The following PDE4B variants were observed in gnomAD, a reference collection of about 807,000 sequenced individuals.
PDE4B encodes phosphodiesterase 4B.
In PDE4B, 20 loss-of-function variants were observed where a neutral mutation model predicts 82.2. The observed-to-expected ratio is 0.24, with a 90% CI of 0.17 to 0.35. The LOEUF (loss-of-function observed/expected upper bound fraction) is 0.35. Among genes scored for constraint, PDE4B ranks in the 10% least tolerant of loss-of-function variants. The probability of loss-of-function intolerance (pLI) is 1.00; values close to 1 mark genes in which losing one functional copy is unlikely to be tolerated. For missense variants in PDE4B, 655 were observed against 907.2 expected (o/e 0.72, Z 3.57); for synonymous variants, 320 against 318.9 (o/e 1.00, Z -0.04).
At chr1:66,107,240 G>A (rs893580025) in intron 3 of PDE4B, among the ~76,000 whole-genome samples, 6 of 152,018 alleles carry the variant, frequency 3.9e-5, no homozygotes, top group African/African-American at 1.2e-4. Context: ...CCATGTAGTT[G>A]AGCGGTTTTG....
intron 3 of PDE4B, among the ~76,000 whole-genome samples, chr1:66,194,514 A>T (rs1365412246): frequency 1.3e-5 from 2 of 152,160 alleles, no homozygotes; most frequent in African/African-American, 4.8e-5. Flanking sequence ...ATGGACTAAA[A>T]ATGAATAAAT....
At chr1:65,887,750 TG>T (rs1322589087) in intron 1 of PDE4B, among the ~76,000 whole-genome samples, 1 of 152,038 alleles carries the variant, frequency 6.6e-6, no homozygotes, top group African/African-American at 2.4e-5. Context: ...ATTTGCCATT[TG>T]TCTGTCTTCT....
chr1:65,912,951 G>A (rs1647113315), intron 1 of PDE4B, among the ~76,000 whole-genome samples: 1 of 152,118 alleles, frequency 6.6e-6, no homozygotes, highest in South Asian at 2.1e-4. Context: ...AAACATTTGT[G>A]TAAAATGCAT....
chr1:65,970,962 G>T (rs2100624697), intron 3 of PDE4B, among the ~76,000 whole-genome samples: 1 of 151,486 alleles, frequency 6.6e-6, no homozygotes, highest in East Asian at 1.9e-4. Flanking sequence ...AATAAGAAAG[G>T]ATAGGCTAAA....
intron 3 of PDE4B, among the ~76,000 whole-genome samples, chr1:66,085,803 G>A (rs989575149): frequency 9.9e-5 from 15 of 152,036 alleles, no homozygotes; most frequent in Admixed American, 5.9e-4. Flanking sequence ...GTCTTGACAG[G>A]TTATGGGGAA....
chr1:66,041,152 A>G (rs1422130029), intron 3 of PDE4B, among the ~76,000 whole-genome samples: 1 of 151,974 alleles, frequency 6.6e-6, no homozygotes, highest in Non-Finnish European at 1.5e-5. Context: ...TTTATTGGGC[A>G]AACATGCTAA....
intron 3 of PDE4B, among the ~76,000 whole-genome samples, chr1:66,117,724 G>A (rs1162434111): frequency 1.3e-5 from 2 of 152,150 alleles, no homozygotes; most frequent in Non-Finnish European, 2.9e-5. Context: ...TTAGAGCTGA[G>A]TGGAATTTAT....
chr1:66,234,555 C>G (rs1027215545), intron 3 of PDE4B, among the ~76,000 whole-genome samples: 1 of 152,190 alleles, frequency 6.6e-6, no homozygotes, highest in Non-Finnish European at 1.5e-5. Context: ...TTCCAAAGTG[C>G]TGGGATTACA....
intron 1 of PDE4B, among the ~76,000 whole-genome samples, chr1:65,793,706 G>A (rs1397492812): frequency 1.3e-5 from 2 of 152,124 alleles, no homozygotes; most frequent in Admixed American, 6.5e-5. Flanking sequence ...TGGTGGCTGG[G>A]GCACCAAGGA....
At chr1:66,142,047 C>A (rs1017675812) in intron 3 of PDE4B, among the ~76,000 whole-genome samples, 1 of 151,948 alleles carries the variant, frequency 6.6e-6, no homozygotes. Flanking sequence ...TGTATTCTTA[C>A]AATAAACTAG....
At chr1:66,073,283 T>G (rs1030763855) in intron 3 of PDE4B, among the ~76,000 whole-genome samples, 6 of 152,146 alleles carry the variant, frequency 3.9e-5, no homozygotes, top group Non-Finnish European at 7.4e-5. Context: ...GTGTTTGATT[T>G]GAGGCTTTAC....
At chr1:65,896,133 G>A (rs1014102654) in intron 1 of PDE4B, among the ~76,000 whole-genome samples, 7 of 151,466 alleles carry the variant, frequency 4.6e-5, no homozygotes, top group African/African-American at 1.2e-4. Context: ...GTCTGTTCTC[G>A]CACTGCTAAT....
chr1:65,908,441 G>A (rs556712877), intron 1 of PDE4B, among the ~76,000 whole-genome samples: 1 of 152,260 alleles, frequency 6.6e-6, no homozygotes, highest in South Asian at 2.1e-4. Context: ...TTATGGAGAA[G>A]GATTTTGTGC....
At chr1:66,230,111 G>A (rs1056924121) in intron 3 of PDE4B, among the ~76,000 whole-genome samples, 6 of 152,212 alleles carry the variant, frequency 3.9e-5, no homozygotes, top group African/African-American at 1.4e-4. Context: ...CTTCCACAGA[G>A]TTGCTTAATT....
At chr1:65,995,368 A>T (rs2503188) in intron 3 of PDE4B, among the ~76,000 whole-genome samples, 1 of 152,136 alleles carries the variant, frequency 6.6e-6, no homozygotes, top group African/African-American at 2.4e-5. Flanking sequence ...TAGAAAATAG[A>T]CATGTATCTT....
At chr1:65,864,251 G>C (rs751241748) in intron 1 of PDE4B, among the ~76,000 whole-genome samples, 1 of 151,784 alleles carries the variant, frequency 6.6e-6, no homozygotes, top group Non-Finnish European at 1.5e-5. Flanking sequence ...ATTCTAGTTA[G>C]CAGTTCCTGT....
intron 4 of PDE4B, among the ~76,000 whole-genome samples, chr1:66,250,717 C>T (rs1653699044): frequency 6.6e-6 from 1 of 152,140 alleles, no homozygotes. Context: ...GTACAGATTG[C>T]CTCATGGGAA....
chr1:66,346,302 C>A (rs1169999206), intron 8 of PDE4B, among the ~76,000 whole-genome samples: 1 of 152,126 alleles, frequency 6.6e-6, no homozygotes. Context: ...GTGCAGTTAT[C>A]CTCATGTCAG....
In PDE4B at chr1:66,361,584, G is replaced by T. The variant is rs7531133; in HGVS notation, c.842-31G>T. Reference sequence around the variant, plus strand: ...GCAGTGGATTCTCATAGACACATGTGCTGAAAAACATATTCCTTTGTCTGT... The same window carrying T: ...GCAGTGGATTCTCATAGACACATGTTCTGAAAAACATATTCCTTTGTCTGT... On this transcript the variant is annotated intron_variant, in intron 9 of 16. Coordinates refer to ENST00000341517, the MANE Select transcript of PDE4B (RefSeq NM_002600.4). 4 of 1,581,696 alleles carry T rather than the reference G, an allele frequency of 2.5e-6. No homozygotes were observed. The Admixed American group carries it at 7.0e-5, about 28-fold the overall frequency.
Sources: gnomAD v4.1 joint callset for allele counts (sites outside exome capture counted in the v4.1 genomes callset) on GRCh38, gnomAD v4.1.1 for gene constraint, MANE v1.5 for transcripts, NCBI Gene and HGNC (gene_info 2026-07-23, HGNC 2026-07-21) for gene names.